The following GRIK2 variants were observed in gnomAD, a reference collection of about 807,000 sequenced individuals.
GRIK2 encodes glutamate ionotropic receptor kainate type subunit 2, also known as glutamate receptor ionotropic, kainate 2.
Under a neutral mutation model 100.3 loss-of-function variants are expected in GRIK2, and 32 were observed. That is an observed-to-expected ratio of 0.32 (90% CI 0.24 to 0.43). The LOEUF (loss-of-function observed/expected upper bound fraction) is 0.43. Ranked by LOEUF, GRIK2 falls within the 20% of genes least tolerant of loss-of-function variation. GRIK2 has a pLI of 1.00. For missense variants in GRIK2, 843 were observed against 1,114.9 expected, an observed-to-expected ratio of 0.76 and a Z score of 3.47; for synonymous variants, 417 against 389.4, an observed-to-expected ratio of 1.07 and a Z score of -0.83.
At chr6:102,054,685 A>G (rs2114502630) in intron 15 of GRIK2, among the ~76,000 whole-genome samples, 1 of 152,292 alleles carries the variant, frequency 6.6e-6, no homozygotes, top group East Asian at 1.9e-4. Context: ...AAATTGATAA[A>G]GGAACAACGC....
chr6:101,563,856 T>G (rs1245409491), intron 2 of GRIK2, among the ~76,000 whole-genome samples: 2 of 152,058 alleles, frequency 1.3e-5, no homozygotes, highest in African/African-American at 4.8e-5. Flanking sequence ...CACATTTTAG[T>G]CTTCCATTAT....
intron 7 of GRIK2, among the ~76,000 whole-genome samples, chr6:101,784,833 T>C (rs1779322863): frequency 6.6e-6 from 1 of 152,194 alleles, no homozygotes; most frequent in Non-Finnish European, 1.5e-5. Context: ...GCAGAACTGA[T>C]TCAATTAAAC....
intron 9 of GRIK2, among the ~76,000 whole-genome samples, chr6:101,810,242 T>G (rs527896128): frequency 1.3e-5 from 2 of 152,088 alleles, no homozygotes; most frequent in African/African-American, 4.8e-5. Context: ...ATTCATTAAT[T>G]CAAACATTAT....
chr6:101,680,921 C>A (rs534666511), intron 5 of GRIK2, among the ~76,000 whole-genome samples: 11 of 152,164 alleles, frequency 7.2e-5, no homozygotes, highest in Admixed American at 6.5e-4. Context: ...TAATTTGATA[C>A]CTAAATTTCC....
At position 101,579,032 on chromosome 6, in the gene GRIK2, G is replaced by C. The variant is rs778306029; in HGVS notation, c.116-42917G>C. Among the ~76,000 whole-genome samples the C allele has an allele frequency of 4.9e-4, 74 of 152,026 alleles. 1 individual carries two copies. The highest frequency in any genetic ancestry group is 1.9e-4 in the Non-Finnish European group (13 of 67,982). ...ATGTAACAGAAGTTAGCAAAATATT[G>C]TTAAATAAATAAAGTAAATGTAGGT... On this transcript the variant is annotated intron_variant, in intron 2 of 16. Coordinates refer to ENST00000369134, the MANE Select transcript of GRIK2 (RefSeq NM_021956.5).
At chr6:101,565,345 G>T (rs1777204306) in intron 2 of GRIK2, among the ~76,000 whole-genome samples, 1 of 152,010 alleles carries the variant, frequency 6.6e-6, no homozygotes, top group Admixed American at 6.6e-5. Flanking sequence ...CCTTTGTAAA[G>T]AAAGTGTTTG....
chr6:101,627,516 T>C (rs1780520564), intron 4 of GRIK2, among the ~76,000 whole-genome samples: 1 of 152,200 alleles, frequency 6.6e-6, no homozygotes, highest in South Asian at 2.1e-4. Flanking sequence ...AGCCTTGTGA[T>C]GAGTCAGTGA....
At chr6:101,957,567 C>A (rs2128481220) in intron 14 of GRIK2, among the ~76,000 whole-genome samples, 1 of 151,528 alleles carries the variant, frequency 6.6e-6, no homozygotes, top group Non-Finnish European at 1.5e-5. Flanking sequence ...GTTGTGTTTG[C>A]TTTTGAGGAC....
At chr6:102,013,330 T>C (rs950626926) in intron 14 of GRIK2, among the ~76,000 whole-genome samples, 1 of 152,202 alleles carries the variant, frequency 6.6e-6, no homozygotes, top group Non-Finnish European at 1.5e-5. Flanking sequence ...ATTGAGCTTT[T>C]GGGCTGAGAA....
intron 14 of GRIK2, among the ~76,000 whole-genome samples, chr6:102,013,752 A>G (rs372676092): frequency 1.3e-5 from 2 of 152,150 alleles, no homozygotes; most frequent in Admixed American, 6.5e-5. Flanking sequence ...GTGTATGCTG[A>G]ACCAACCTTG....
At chr6:101,964,211 A>T (rs984688729) in intron 14 of GRIK2, among the ~76,000 whole-genome samples, 6 of 151,420 alleles carry the variant, frequency 4.0e-5, no homozygotes, top group Non-Finnish European at 7.4e-5. Context: ...ATATAAGATT[A>T]TAGATACATG....
chr6:101,591,289 T>A (rs1050143374), intron 2 of GRIK2, among the ~76,000 whole-genome samples: 6 of 145,540 alleles, frequency 4.1e-5, no homozygotes, highest in Non-Finnish European at 7.6e-5. Flanking sequence ...ATTTCTCTCC[T>A]TTTTTTTTTG....
chr6:101,478,398 A>G (rs1328809102), intron 2 of GRIK2, among the ~76,000 whole-genome samples: 1 of 152,034 alleles, frequency 6.6e-6, no homozygotes, highest in Non-Finnish European at 1.5e-5. Flanking sequence ...CAACTAGATT[A>G]AGAAATTAAA....
intron 10 of GRIK2, among the ~76,000 whole-genome samples, chr6:101,834,498 C>T (rs1782935799): frequency 6.6e-6 from 1 of 151,992 alleles, no homozygotes; most frequent in African/African-American, 2.4e-5. Flanking sequence ...TTTTCTTTCA[C>T]AAGTCTTTTG....
At chr6:101,436,286 A>C (rs1023774754) in intron 2 of GRIK2, among the ~76,000 whole-genome samples, 9 of 152,152 alleles carry the variant, frequency 5.9e-5, no homozygotes, top group Non-Finnish European at 8.8e-5. Flanking sequence ...TCAGAGGTTC[A>C]TGTATATTTT....
At chr6:101,605,569 A>C (rs992247064) in intron 2 of GRIK2, among the ~76,000 whole-genome samples, 109 of 152,132 alleles carry the variant, frequency 7.2e-4, no homozygotes, top group Non-Finnish European at 1.2e-3. Context: ...TACATGTTGG[A>C]TCTGATTTTT....
intron 2 of GRIK2, among the ~76,000 whole-genome samples, chr6:101,566,532 A>G (rs972826837): frequency 6.6e-6 from 1 of 151,792 alleles, no homozygotes; most frequent in Non-Finnish European, 1.5e-5. Flanking sequence ...ACAATTTTGA[A>G]TTTCAAGAAA....
chr6:101,531,395 G>A (rs551990865), intron 2 of GRIK2, among the ~76,000 whole-genome samples: 13 of 151,816 alleles, frequency 8.6e-5, no homozygotes, highest in East Asian at 1.9e-4. Flanking sequence ...GATTATAGGC[G>A]CTCAAAATTG....
intron 11 of GRIK2, among the ~76,000 whole-genome samples, chr6:101,861,868 T>C (rs1784753896): frequency 6.6e-6 from 1 of 152,152 alleles, no homozygotes; most frequent in South Asian, 2.1e-4. Flanking sequence ...TTAACTTGTA[T>C]ATACAGGACC....
Sources: gnomAD v4.1 joint callset for allele counts (sites outside exome capture counted in the v4.1 genomes callset) on GRCh38, gnomAD v4.1.1 for gene constraint, MANE v1.5 for transcripts, NCBI Gene and HGNC (gene_info 2026-07-23, HGNC 2026-07-21) for gene names.